RYR2: variants seen among roughly 807,000 people sequenced by gnomAD.
RYR2 encodes ryanodine receptor 2.
In RYR2, 227 loss-of-function variants were observed where a neutral mutation model predicts 601.1. The ratio of observed to expected loss-of-function variants is 0.38; its 90% CI spans 0.34 to 0.42. The LOEUF (loss-of-function observed/expected upper bound fraction) is 0.42, where lower values mean the gene tolerates loss of function less well. RYR2 is among the 10% of genes least tolerant of loss of function. The pLI is 1.00. For synonymous variants in RYR2, 2,223 were observed against 2,175.1 expected, an observed-to-expected ratio of 1.02 and a Z score of -0.61; for missense variants, 4,646 against 6,156.5, an observed-to-expected ratio of 0.75 and a Z score of 8.21.
At chr1:237,640,094 G>C (rs1321231654) in intron 46 of RYR2, among the ~76,000 whole-genome samples, 3 of 152,106 alleles carry the variant, frequency 2.0e-5, no homozygotes, top group Admixed American at 6.6e-5. Context: ...TCTCTCAGTA[G>C]TAGAAAATGT....
chr1:237,276,136 G>C (rs1013134309), intron 2 of RYR2, among the ~76,000 whole-genome samples: 1 of 152,128 alleles, frequency 6.6e-6, no homozygotes, highest in Non-Finnish European at 1.5e-5. Context: ...GTCTCGCTCT[G>C]TTGCCCAGGT....
intron 23 of RYR2, 31 bp from the exon 24 acceptor site, chr1:237,511,657 T>TATGTCA: frequency 6.7e-7 from 1 of 1,501,958 alleles, no homozygotes; most frequent in Non-Finnish European, 9.1e-7. Context: ...CATTGGAGAC[T>TATGTCA]ATTTTATGTC....
At chr1:237,460,085 C>T (rs1481460346) in intron 16 of RYR2, among the ~76,000 whole-genome samples, 1 of 152,132 alleles carries the variant, frequency 6.6e-6, no homozygotes, top group Non-Finnish European at 1.5e-5. Context: ...TGCTTTATGT[C>T]TCCACTCTGC....
intron 29 of RYR2, among the ~76,000 whole-genome samples, chr1:237,576,245 T>C (rs1264183353): frequency 6.6e-6 from 1 of 152,184 alleles, no homozygotes; most frequent in Non-Finnish European, 1.5e-5. Flanking sequence ...AGTGTTTTTA[T>C]GGAAGTCGAT....
At chr1:237,247,896 C>A (rs1236933322) in intron 1 of RYR2, among the ~76,000 whole-genome samples, 1 of 152,114 alleles carries the variant, frequency 6.6e-6, no homozygotes, top group Admixed American at 6.5e-5. Context: ...GAGGAAAGAT[C>A]CAGAGTTTCT....
chr1:237,412,110 C>G (rs75679766), intron 10 of RYR2, among the ~76,000 whole-genome samples: 1 of 152,018 alleles, frequency 6.6e-6, no homozygotes, highest in Non-Finnish European at 1.5e-5. Flanking sequence ...GATGAGCTAT[C>G]CTAGCTGTCA....
At chr1:237,239,553 T>G (rs980844112) in intron 1 of RYR2, among the ~76,000 whole-genome samples, 27 of 152,194 alleles carry the variant, frequency 1.8e-4, no homozygotes, top group African/African-American at 6.3e-4. Flanking sequence ...TCTCCTTGCC[T>G]CCTTCTTTAC....
intron 94 of RYR2, 98 bp downstream of exon 94, chr1:237,792,421 G>GTGTA (rs1658561824): frequency 1.3e-6 from 1 of 750,018 alleles, no homozygotes; most frequent in Admixed American, 2.9e-5. Context: ...GTGTGTGTGT[G>GTGTA]TGTTTTGCAG....
At chr1:237,566,178 C>G (rs1672057725) in intron 27 of RYR2, among the ~76,000 whole-genome samples, 1 of 152,180 alleles carries the variant, frequency 6.6e-6, no homozygotes, top group Non-Finnish European at 1.5e-5. Flanking sequence ...CATGTCTACT[C>G]ATTTCTTATG....
chr1:237,513,366 C>CTG (rs1666104093), intron 24 of RYR2, among the ~76,000 whole-genome samples: 1 of 152,148 alleles, frequency 6.6e-6, no homozygotes, highest in Non-Finnish European at 1.5e-5. Context: ...ACGTACAAAA[C>CTG]TCTAGTCCTT....
intron 100 of RYR2, among the ~76,000 whole-genome samples, chr1:237,810,678 C>A (rs1661156224): frequency 6.6e-6 from 1 of 152,126 alleles, no homozygotes; most frequent in Non-Finnish European, 1.5e-5. Context: ...GCTGCCCTCA[C>A]AAGCTAGGAA....
chr1:237,457,978 T>C (rs1277887497), intron 16 of RYR2, among the ~76,000 whole-genome samples: 1 of 152,202 alleles, frequency 6.6e-6, no homozygotes, highest in African/African-American at 2.4e-5. Flanking sequence ...TCCAGCCTTC[T>C]ATTTTCCCAG....
At chr1:237,467,106 A>G (rs978899551) in intron 16 of RYR2, among the ~76,000 whole-genome samples, 1 of 148,884 alleles carries the variant, frequency 6.7e-6, no homozygotes, top group Non-Finnish European at 1.5e-5. Context: ...TATATATCAT[A>G]TATATAATTT....
chr1:237,256,614 A>G (rs1345552988), intron 1 of RYR2, among the ~76,000 whole-genome samples: 2 of 152,194 alleles, frequency 1.3e-5, no homozygotes, highest in Admixed American at 1.3e-4. Flanking sequence ...GAAAGCGGTA[A>G]TTGAAGAGGA....
chr1:237,256,028 C>T lies in RYR2; in HGVS notation c.49-14469C>T, dbSNP rs541036153. ...GCCTTTTGATGTGGTTTGGCTGTGT[C>T]GCCACCCAAATCTCATCTTGAATTG... On this transcript the variant is annotated intron_variant, in intron 1 of 104. Coordinates refer to ENST00000366574, the MANE Select transcript of RYR2 (RefSeq NM_001035.3). Among the ~76,000 whole-genome samples, 21 of 152,140 alleles carry T rather than the reference C, an allele frequency of 1.4e-4. 1 individual carries two copies. Among genetic ancestry groups the T allele is most frequent in the African/African-American group, 3.1e-4 (13 of 41,488 alleles).
chr1:237,273,946 TATTA>T (rs1368640634), intron 2 of RYR2, among the ~76,000 whole-genome samples: 1 of 137,162 alleles, frequency 7.3e-6, no homozygotes, highest in African/African-American at 3.2e-5. Flanking sequence ...TATATATTTA[TATTA>T]TATAACGCAT....
Position 237,106,386 on chromosome 1 carries a change from A to T in RYR2, c.48+63817A>T, listed in dbSNP as rs1423850285. 6.6e-6 allele frequency among the ~76,000 whole-genome samples: 1 copy of T among 152,078 alleles called. No individual in the cohort carries two copies. The highest frequency in any genetic ancestry group is 2.4e-5 in the African/African-American group (1 of 41,416). ...ACCCTGGATATTTTTTTGGACATAG[A>T]GCCAGGAGGATTTCCTCATGGTTCT... On this transcript the variant is annotated intron_variant, in intron 1 of 104. Coordinates refer to ENST00000366574, the MANE Select transcript of RYR2 (RefSeq NM_001035.3). The surrounding 1 kb of genome is among the most constrained non-coding windows in gnomAD (Gnocchi z 4.4).
chr1:237,333,918 C>T (rs74147241), intron 3 of RYR2, among the ~76,000 whole-genome samples: 2,247 of 152,284 alleles, frequency 0.015, 56 homozygotes, highest in African/African-American at 0.05. Flanking sequence ...AAAAGAACCT[C>T]GTGTTGCCCT....
chr1:237,792,312 T>C lies in RYR2; in HGVS notation c.13771T>C (p.Tyr4591His), dbSNP rs1489021820. The change falls in exon 94 of 105, where the codon TAC becomes CAC. Residue 4591 changes from tyrosine to histidine, a missense_variant. Transcript: ENST00000366574. ...VISFFCIIGY[Y>H]CLKVPLVIFK... Reference sequence around the variant, plus strand: ...TTCTTTCTTCTGCATCATTGGATACTACTGCTTGAAAGTAAGATAGTAAGG... The same window carrying C: ...TTCTTTCTTCTGCATCATTGGATACCACTGCTTGAAAGTAAGATAGTAAGG... The C allele has an allele frequency of 3.7e-6, 6 of 1,607,664 alleles. No homozygotes were observed. The highest frequency in any genetic ancestry group is 5.1e-6 in the Non-Finnish European group (6 of 1,175,468).
Sources: gnomAD v4.1 joint callset for allele counts (sites outside exome capture counted in the v4.1 genomes callset) on GRCh38, gnomAD v4.1.1 for gene constraint, Gnocchi (gnomAD v3.1) non-coding constraint, MANE v1.5 for transcripts, NCBI Gene and HGNC (gene_info 2026-07-23, HGNC 2026-07-21) for gene names.